Variants in HAPLN1 observed in about 807,000 individuals in gnomAD.
The protein encoded by HAPLN1 is hyaluronan and proteoglycan link protein 1.
In HAPLN1, 13 loss-of-function variants were observed where a neutral mutation model predicts 36.5. The ratio of observed to expected loss-of-function variants is 0.36; its 90% CI spans 0.23 to 0.57. The LOEUF is 0.57. Among genes scored for constraint, HAPLN1 ranks in the 20% least tolerant of loss-of-function variants. The probability of loss-of-function intolerance (pLI) is 0.83; values close to 1 mark genes in which losing one functional copy is unlikely to be tolerated. For missense variants in HAPLN1, 407 were observed against 439.7 expected, an observed-to-expected ratio of 0.93 and a Z score of 0.66; for synonymous variants, 202 against 169.8, an observed-to-expected ratio of 1.19 and a Z score of -1.48.
rs1749711026 is a variant in HAPLN1 at position 83,641,771 on chromosome 5, G to A, written c.790C>T (p.Leu264=). 6.2e-7 allele frequency: 1 copy of A among 1,613,204 alleles called. No homozygotes were observed. The highest frequency in any genetic ancestry group is 8.5e-7 in the Non-Finnish European group (1 of 1,179,486). ...TAGGTCAGTTTGGTGGGGTGGATCA[G>A]ATAGTAAAAACGGCCTGTAGAGAAA... The part of the protein sequence containing the change: ...TSNFNGRFYY[L]IHPTKLTYDE... Residue 264 remains leucine (L), a synonymous_variant, in exon 5 of 5, where the codon CTG becomes TTG. Coordinates refer to ENST00000274341, the MANE Select transcript of HAPLN1 (RefSeq NM_001884.4).
intron 1 of HAPLN1, among the ~76,000 whole-genome samples, chr5:83,688,575 C>T (rs373746666): frequency 6.9e-6 from 1 of 144,224 alleles, no homozygotes; most frequent in South Asian, 2.2e-4. Context: ...ATGTTGACCT[C>T]TTTTGTGGGC....
chr5:83,673,327 G>C, intron 2 of HAPLN1, 97 bp downstream of exon 2: 5 of 803,198 alleles, frequency 6.2e-6, no homozygotes, highest in Non-Finnish European at 1.0e-5. Flanking sequence ...AAAAGTCAAT[G>C]CAGCAGAACT....
chr5:83,702,823 C>T (rs1418637782), intron 1 of HAPLN1, among the ~76,000 whole-genome samples: 2 of 151,948 alleles, frequency 1.3e-5, no homozygotes, highest in African/African-American at 2.4e-5. Context: ...CTGAAGACTC[C>T]GCCTCAACCT....
chr5:83,657,606 T>TA (rs1342210340), intron 2 of HAPLN1, among the ~76,000 whole-genome samples: 3 of 152,104 alleles, frequency 2.0e-5, no homozygotes, highest in Admixed American at 2.0e-4. Flanking sequence ...TCATGGTCCT[T>TA]ACACCACTCA....
chr5:83,679,663 T>A (rs1160152037), intron 1 of HAPLN1, among the ~76,000 whole-genome samples: 3 of 152,180 alleles, frequency 2.0e-5, no homozygotes, highest in Non-Finnish European at 4.4e-5. Context: ...TACTTACAAC[T>A]ATACTAGGAA....
At chr5:83,688,541 T>A (rs1751190754) in intron 1 of HAPLN1, among the ~76,000 whole-genome samples, 1 of 151,780 alleles carries the variant, frequency 6.6e-6, no homozygotes, top group Non-Finnish European at 1.5e-5. Flanking sequence ...TTCCAATAAT[T>A]AAATGCACAT....
intron 1 of HAPLN1, among the ~76,000 whole-genome samples, chr5:83,708,592 GA>G (rs1751704218): frequency 6.6e-6 from 1 of 152,032 alleles, no homozygotes; most frequent in African/African-American, 2.4e-5. Context: ...GAAAAGAGCA[GA>G]AAAAGTAACT....
intron 1 of HAPLN1, among the ~76,000 whole-genome samples, chr5:83,693,711 T>C (rs1437945585): frequency 6.6e-6 from 1 of 151,668 alleles, no homozygotes; most frequent in Admixed American, 6.6e-5. Flanking sequence ...GATTTCAGGA[T>C]AAAAAATATC....
At chr5:83,665,532 G>A (rs986631713) in intron 2 of HAPLN1, among the ~76,000 whole-genome samples, 6 of 152,132 alleles carry the variant, frequency 3.9e-5, no homozygotes, top group South Asian at 4.1e-4. Context: ...TTTCAAAGGC[G>A]TTTTTATTTT....
chr5:83,689,022 CA>C (rs1407254186), intron 1 of HAPLN1, among the ~76,000 whole-genome samples: 3 of 152,148 alleles, frequency 2.0e-5, no homozygotes, highest in Non-Finnish European at 2.9e-5. Context: ...TGTATTTGCA[CA>C]GGCAAAATTC....
intron 3 of HAPLN1, among the ~76,000 whole-genome samples, chr5:83,646,784 A>T (rs867949): frequency 0.24 from 35,784 of 152,168 alleles, 4,505 homozygotes; most frequent in South Asian, 0.32. Flanking sequence ...GAGTGCTGGG[A>T]AATAACTATT....
intron 1 of HAPLN1, chr5:83,686,022 T>C (rs1318628529): frequency 1.3e-5 from 2 of 152,030 alleles, no homozygotes; most frequent in East Asian, 1.9e-4. Context: ...GCATATGTGC[T>C]TTTGATTTTC....
chr5:83,644,280 G>T, intron 4 of HAPLN1, 83 bp downstream of exon 4: 4 of 1,071,282 alleles, frequency 3.7e-6, no homozygotes, highest in African/African-American at 1.9e-5. Context: ...TTTCTAAGAA[G>T]ATAAGATTAA....
chr5:83,673,643 T>C, intron 1 of HAPLN1, 94 bp from the exon 2 acceptor site: 2 of 719,826 alleles, frequency 2.8e-6, no homozygotes, highest in Non-Finnish European at 4.8e-6. Context: ...CATCATAGAA[T>C]GGGTCTGTAA....
intron 2 of HAPLN1, among the ~76,000 whole-genome samples, chr5:83,664,406 C>G (rs958144747): frequency 3.3e-5 from 5 of 151,852 alleles, no homozygotes; most frequent in African/African-American, 9.7e-5. Context: ...TTTTTGAGCC[C>G]TAGTCTCACT....
chr5:83,700,828 A>G (rs1472207787), intron 1 of HAPLN1, among the ~76,000 whole-genome samples: 1 of 152,152 alleles, frequency 6.6e-6, no homozygotes, highest in Non-Finnish European at 1.5e-5. Flanking sequence ...AACCATATGT[A>G]ATGAAATAAG....
chr5:83,643,627 T>G (rs1221607679), intron 4 of HAPLN1, among the ~76,000 whole-genome samples: 1 of 152,180 alleles, frequency 6.6e-6, no homozygotes, highest in Non-Finnish European at 1.5e-5. Context: ...TTATTTATTT[T>G]TTCTTTTAGA....
In HAPLN1 at chr5:83,641,576, C is replaced by T. The variant is rs759596250; in HGVS notation, c.985G>A (p.Glu329Lys). The change falls in exon 5 of 5, where the codon GAG (glutamate) becomes AAG (lysine). Residue 329 changes from glutamate (E) to lysine (K), a missense_variant. By Grantham distance (56) the Glu-to-Lys change is moderately conservative. Transcript: ENST00000274341. ...SRPRRRCSPT[E>K]AAVRFVGFPD... The stretch of plus-strand genomic sequence containing the variant: ...AAACCCACGAAGCGCACTGCAGCCT[C>T]AGTAGGACTGCAGCGCCTTCTTGGC... The T allele has an allele frequency of 4.3e-6, 7 of 1,614,138 alleles. No individual in the cohort carries two copies. The highest frequency in any genetic ancestry group is 5.9e-6 in the Non-Finnish European group (7 of 1,179,978).
chr5:83,706,795 CTGTT>C lies in HAPLN1; in HGVS notation c.-27+13990_-27+13993del, dbSNP rs1283787032. Among the ~76,000 whole-genome samples, 4 of 152,328 alleles carry C rather than the reference CTGTT, an allele frequency of 2.6e-5. No individual in the cohort carries two copies. In the East Asian group the frequency reaches 7.7e-4, roughly 29 times the overall value. On this transcript the variant is annotated intron_variant, in intron 1 of 4. Transcript: ENST00000274341. The stretch of plus-strand genomic sequence containing the variant: ...AGGAAGAGAGGAAGTCAAATTATCT[CTGTT>C]TGCAGATGACATGATTCTATGTCTA...
Sources: allele counts gnomAD v4.1 joint callset (sites outside exome capture counted in the v4.1 genomes callset), GRCh38; gene constraint gnomAD v4.1.1; transcripts MANE v1.5; gene names NCBI Gene and HGNC (gene_info 2026-07-23, HGNC 2026-07-21).